The following CFAP57 variants were observed in gnomAD, a reference collection of about 807,000 sequenced individuals.
CFAP57 encodes cilia- and flagella-associated protein 57.
Under a neutral mutation model 146.8 loss-of-function variants are expected in CFAP57, and 116 were observed. The observed-to-expected ratio is 0.79, with a 90% CI of 0.68 to 0.92. CFAP57 has a LOEUF of 0.92. Ranked by LOEUF, CFAP57 falls within the 40% of genes least tolerant of loss-of-function variation. CFAP57 has a pLI of 0.00. For missense variants in CFAP57, 1,377 were observed against 1,527.2 expected, an observed-to-expected ratio of 0.90 and a Z score of 1.64; for synonymous variants, 518 against 552.8, an observed-to-expected ratio of 0.94 and a Z score of 0.88.
Position 43,181,272 on chromosome 1 carries a change from A to G in CFAP57, c.158-262A>G, listed in dbSNP as rs569920670. ...TTTTTAGTAGAGATGGGGTTTCACC[A>G]TGTTGGCCAGGCTGGTCTTGAACTC... On this transcript the variant is annotated intron_variant, in intron 2 of 22. Coordinates refer to ENST00000372492, the MANE Select transcript of CFAP57 (RefSeq NM_001378189.1). Among the ~76,000 whole-genome samples the G allele has an allele frequency of 5.9e-5, 9 of 152,188 alleles. No homozygotes were observed. In the South Asian group the frequency reaches 1.7e-3, roughly 28 times the overall value.
At position 43,215,282 on chromosome 1, in the gene CFAP57, C is replaced by T. The variant is rs1188109199; in HGVS notation, c.1957C>T (p.Leu653=). ...KMLLTFDDQF[L]LTAAEDGCLF... is the part of the protein sequence containing the mutation. ...GTTGCTTACCTTTGATGATCAGTTC[C>T]TGCTGACTGCTGCTGAGGATGGCTG... Residue 653 remains leucine, a synonymous_variant, in exon 12 of 23, where the codon CTG becomes TTG. Coordinates refer to ENST00000372492, the MANE Select transcript of CFAP57 (RefSeq NM_001378189.1). 2.6e-6 allele frequency: 4 copies of T among 1,551,234 alleles called. No individual in the cohort carries two copies. The highest frequency in any genetic ancestry group is 2.0e-5 in the Admixed American group (1 of 51,006).
rs555760986 is a variant in CFAP57, at chr1:43,197,833, C to T, written c.1262+141C>T. On this transcript the variant is annotated intron_variant, in intron 7 of 22. Transcript: ENST00000372492. ...AAGATTTTTAAAAAATCAAGTCAGT[C>T]AACCTACCTGTTTCTCACTCTTGCG... 238 of 1,209,766 alleles carry T rather than the reference C, an allele frequency of 2.0e-4. 1 individual carries two copies. In the African/African-American group the frequency reaches 3.3e-3, roughly 17 times the overall value. The allele number at this position is 1,209,766 out of a possible 1,614,324, so 74.9% of individuals were successfully genotyped here. A position where few individuals can be genotyped will look rare whatever the true frequency, so the allele number is the denominator to read the frequency against.
chr1:43,254,089 G>C lies in CFAP57; in HGVS notation c.3651G>C (p.Gln1217His). The change falls in exon 23 of 23, where the codon CAG becomes CAC. Residue 1217 changes from glutamine to histidine, a missense_variant. Gln to His is a conservative substitution (Grantham distance 24). Transcript: ENST00000372492. ...QRLEIQRLRD[Q>H]IQEQEQVTGF... The stretch of plus-strand genomic sequence containing the variant: ...TAGAAATCCAGCGCCTCAGAGACCA[G>C]ATCCAAGAGCAAGAGCAGGTCACAG... The C allele has an allele frequency of 6.4e-7, 1 of 1,550,676 alleles. No individual in the cohort carries two copies.
At chr1:43,237,178 G>A (rs570989045) in intron 21 of CFAP57, among the ~76,000 whole-genome samples, 1 of 152,240 alleles carries the variant, frequency 6.6e-6, no homozygotes, top group Admixed American at 6.5e-5. Flanking sequence ...ATCCAAAAAG[G>A]CTGAGGAAGG....
intron 18 of CFAP57, among the ~76,000 whole-genome samples, chr1:43,229,335 C>T (rs1645380568): frequency 6.7e-6 from 1 of 148,886 alleles, no homozygotes; most frequent in Non-Finnish European, 1.5e-5. Context: ...AGGGAATACA[C>T]TTGCACCTTG....
rs375902406 is a variant in CFAP57 at position 43,172,350 on chromosome 1, A to G, written c.-123A>G. The G allele has an allele frequency of 7.2e-5, 111 of 1,551,544 alleles. 1 individual carries two copies. In the African/African-American group the frequency reaches 1.4e-3, roughly 19 times the overall value. On this transcript the variant is annotated 5_prime_UTR_variant, in exon 1 of 23. Coordinates refer to ENST00000372492, the MANE Select transcript of CFAP57 (RefSeq NM_001378189.1). ...ACCATACTTCCGGTTTGTCGTTGCT[A>G]TAGGAACCGCTACGGCGTTTGAAAG...
chr1:43,194,870 A>G (rs1375826565), intron 6 of CFAP57: 1 of 151,982 alleles, frequency 6.6e-6, no homozygotes, highest in African/African-American at 2.4e-5. Flanking sequence ...TTGTTTAATC[A>G]TGGTTTCCTT....
chr1:43,177,297 T>G (rs1645211477), intron 2 of CFAP57: 3 of 437,594 alleles, frequency 6.9e-6, no homozygotes, highest in Non-Finnish European at 1.4e-5. Context: ...TTGACAGATT[T>G]CTTCATAGAC....
chr1:43,223,196 T>C (rs761599401), intron 16 of CFAP57, among the ~76,000 whole-genome samples, 199 bp downstream of exon 16: 68 of 152,238 alleles, frequency 4.5e-4, no homozygotes, highest in Non-Finnish European at 7.9e-4. Flanking sequence ...GAAAGGCAGC[T>C]GCACGGGCTT....
intron 19 of CFAP57, among the ~76,000 whole-genome samples, chr1:43,234,006 GCCCA>G (rs1029448688): frequency 4.5e-4 from 68 of 152,162 alleles, no homozygotes; most frequent in African/African-American, 1.6e-3. Flanking sequence ...CAATAAAGGA[GCCCA>G]TCTGTGTGGC....
intron 5 of CFAP57, among the ~76,000 whole-genome samples, chr1:43,186,330 G>A (rs967617339): frequency 6.6e-6 from 1 of 152,128 alleles, no homozygotes; most frequent in East Asian, 1.9e-4. Flanking sequence ...TGAAAGCCTA[G>A]GCCGGGCGCA....
intron 22 of CFAP57, among the ~76,000 whole-genome samples, chr1:43,248,741 A>T (rs1646213142): frequency 6.6e-6 from 1 of 152,180 alleles, no homozygotes; most frequent in Non-Finnish European, 1.5e-5. Context: ...TTATATATTA[A>T]CTATAATTAT....
rs768503215 is a variant in CFAP57 at position 43,172,908 on chromosome 1, C to T, written c.155C>T (p.Pro52Leu). The T allele has an allele frequency of 6.2e-7, 1 of 1,613,718 alleles. No individual in the cohort carries two copies. The highest frequency in any genetic ancestry group is 1.1e-5 in the South Asian group (1 of 91,058). ...NVDQKWQKFI[P>L]GSEKSQGMLA... ...GATCAGAAATGGCAAAAATTCATTC[C>T]AGGTAAAACTTTTTCCATCCTGACA... The change falls in exon 2 of 23, where the codon CCA becomes CTA. Residue 52 changes from proline (P) to leucine (L), a missense_variant and splice_region_variant. Transcript: ENST00000372492.
chr1:43,252,010 C>G (rs1570386194), intron 22 of CFAP57, among the ~76,000 whole-genome samples: 2 of 151,974 alleles, frequency 1.3e-5, no homozygotes. Flanking sequence ...TTGTAATAAG[C>G]CTTATAGAGT....
At chr1:43,234,012 C>A (rs1374466334) in intron 19 of CFAP57, among the ~76,000 whole-genome samples, 1 of 152,170 alleles carries the variant, frequency 6.6e-6, no homozygotes, top group Non-Finnish European at 1.5e-5. Context: ...AGGAGCCCAT[C>A]TGTGTGGCCT....
Position 43,183,881 on chromosome 1 carries a change from A to G in CFAP57, c.761+4A>G, listed in dbSNP as rs778817813. 9 of 1,613,604 alleles carry G rather than the reference A, an allele frequency of 5.6e-6. No individual in the cohort carries two copies. The highest frequency in any genetic ancestry group is 1.3e-5 in the African/African-American group (1 of 74,914). ...ATGTCATTCAGGAATCAGAGAGGTA[A>G]TGGTGCTTCCTGGGCTGGTGCTCCC... On this transcript the variant is annotated splice_donor_region_variant and intron_variant, in intron 4 of 22. Coordinates refer to ENST00000372492, the MANE Select transcript of CFAP57 (RefSeq NM_001378189.1).
chr1:43,218,622 A>T (rs183578435), intron 12 of CFAP57, among the ~76,000 whole-genome samples: 1 of 152,044 alleles, frequency 6.6e-6, no homozygotes, highest in Non-Finnish European at 1.5e-5. Flanking sequence ...AAAAAGAGAA[A>T]AAAAGGAAGA....
chr1:43,250,886 C>T (rs1271599426), intron 22 of CFAP57, among the ~76,000 whole-genome samples: 1 of 152,210 alleles, frequency 6.6e-6, no homozygotes, highest in African/African-American at 2.4e-5. Flanking sequence ...TGGTCTTGTT[C>T]CACCTACAAA....
intron 9 of CFAP57, among the ~76,000 whole-genome samples, chr1:43,205,299 A>T (rs1038668142): frequency 1.4e-4 from 22 of 152,186 alleles, no homozygotes; most frequent in African/African-American, 5.3e-4. Context: ...GGACTTTTCC[A>T]TGTTCTATTC....
Sources: gnomAD v4.1 joint callset for allele counts (sites outside exome capture counted in the v4.1 genomes callset) on GRCh38, gnomAD v4.1.1 for gene constraint, MANE v1.5 for transcripts, NCBI Gene and HGNC (gene_info 2026-07-23, HGNC 2026-07-21) for gene names.